The following CNTN4 variants were observed in gnomAD, a reference collection of about 807,000 sequenced individuals.
CNTN4 encodes contactin 4.
In CNTN4, 77 loss-of-function variants were observed where a neutral mutation model predicts 122.5. That is an observed-to-expected ratio of 0.63 (90% CI 0.52 to 0.76). CNTN4 has a LOEUF of 0.76. Ranked by LOEUF, CNTN4 falls within the 30% of genes least tolerant of loss-of-function variation. CNTN4 has a pLI of 0.00. For missense variants in CNTN4, 1,256 were observed against 1,259.1 expected (o/e 1.00, Z 0.04); for synonymous variants, 512 against 447.0 (o/e 1.15, Z -1.83).
chr3:2,780,197 A>G (rs987559770), intron 6 of CNTN4, among the ~76,000 whole-genome samples: 3 of 152,252 alleles, frequency 2.0e-5, no homozygotes, highest in African/African-American at 7.2e-5. Flanking sequence ...ATGTTGAAAC[A>G]GAATGATATA....
chr3:2,315,497 G>C (rs2043065416), intron 2 of CNTN4, among the ~76,000 whole-genome samples: 1 of 151,708 alleles, frequency 6.6e-6, no homozygotes, highest in South Asian at 2.1e-4. Flanking sequence ...TTTTTTAATG[G>C]TGGGCTTACG....
chr3:2,521,343 T>TCACCCAC, intron 3 of CNTN4, among the ~76,000 whole-genome samples: 1 of 128,370 alleles, frequency 7.8e-6, no homozygotes, highest in East Asian at 2.3e-4. Context: ...CCTCTACCCA[T>TCACCCAC]CCCCCCCACC....
At position 2,545,009 on chromosome 3, in the gene CNTN4, G is replaced by C. The variant is rs141894023; in HGVS notation, c.-88-26407G>C. Among the ~76,000 whole-genome samples the C allele has an allele frequency of 2.0e-3, 301 of 152,122 alleles. 1 individual carries two copies. The highest frequency in any genetic ancestry group is 6.8e-3 in the African/African-American group (281 of 41,518). The stretch of plus-strand genomic sequence containing the variant: ...TCTGAATTTTTGATGTGGGTGTTTA[G>C]TGCTGTAAACTTTTCTCTTAACACT... On this transcript the variant is annotated intron_variant, in intron 3 of 24. Coordinates refer to ENST00000418658, the MANE Select transcript of CNTN4 (RefSeq NM_175607.3).
At chr3:2,102,780 G>A (rs559936538) in intron 2 of CNTN4, among the ~76,000 whole-genome samples, 3 of 152,290 alleles carry the variant, frequency 2.0e-5, no homozygotes, top group Non-Finnish European at 4.4e-5. Flanking sequence ...AGGAGGCTGG[G>A]AAATATAGTC....
chr3:2,461,243 T>C (rs912411543), intron 3 of CNTN4, among the ~76,000 whole-genome samples: 1 of 152,194 alleles, frequency 6.6e-6, no homozygotes, highest in African/African-American at 2.4e-5. Context: ...GATATGTGTA[T>C]TTTTAAATCT....
In CNTN4 at chr3:2,117,226, T is replaced by C. The variant is rs1053836938; in HGVS notation, c.-145+16587T>C. On this transcript the variant is annotated intron_variant, in intron 2 of 24. Coordinates refer to ENST00000418658, the MANE Select transcript of CNTN4 (RefSeq NM_175607.3). ...ACCTCCTCCTTGGGTTCAGTTAATTTGCTAGAGCTTCTCACAGAGCTCAGG... is the reference window on the plus strand; with the variant it reads ...ACCTCCTCCTTGGGTTCAGTTAATTCGCTAGAGCTTCTCACAGAGCTCAGG... Among the ~76,000 whole-genome samples, 9 of 152,324 alleles carry C rather than the reference T, an allele frequency of 5.9e-5. No homozygotes were observed. In the East Asian group the frequency reaches 1.7e-3, roughly 29 times the overall value.
intron 4 of CNTN4, among the ~76,000 whole-genome samples, chr3:2,660,788 T>C (rs754274077): frequency 6.6e-6 from 1 of 152,228 alleles, no homozygotes; most frequent in Non-Finnish European, 1.5e-5. Flanking sequence ...GAATGACAGA[T>C]ATAAGATTGA....
At chr3:2,492,081 T>A (rs1324462866) in intron 3 of CNTN4, among the ~76,000 whole-genome samples, 1 of 152,226 alleles carries the variant, frequency 6.6e-6, no homozygotes, top group African/African-American at 2.4e-5. Context: ...TCTGCATTTA[T>A]TCAATAATAA....
At chr3:2,792,259 T>A (rs913206416) in intron 6 of CNTN4, among the ~76,000 whole-genome samples, 75 of 152,224 alleles carry the variant, frequency 4.9e-4, no homozygotes, top group African/African-American at 1.6e-3. Context: ...CTAATTTGGA[T>A]GTTTTTACAA....
chr3:2,711,866 GT>G (rs2087170975), intron 4 of CNTN4, among the ~76,000 whole-genome samples: 1 of 152,200 alleles, frequency 6.6e-6, no homozygotes, highest in Admixed American at 6.5e-5. Flanking sequence ...CCTATCATTA[GT>G]TAGGGACAGA....
chr3:2,202,395 C>A (rs1415793473), intron 2 of CNTN4, among the ~76,000 whole-genome samples: 5 of 152,182 alleles, frequency 3.3e-5, no homozygotes, highest in African/African-American at 1.2e-4. Context: ...TCATTACTAA[C>A]TAGCTGTGTA....
chr3:2,933,093 A>T (rs1461809948), intron 13 of CNTN4, among the ~76,000 whole-genome samples: 2 of 152,040 alleles, frequency 1.3e-5, no homozygotes, highest in African/African-American at 4.8e-5. Context: ...AAGTGCTGGG[A>T]TTACAGGTGT....
intron 4 of CNTN4, among the ~76,000 whole-genome samples, chr3:2,603,800 T>C (rs775293216): frequency 2.6e-5 from 4 of 152,230 alleles, no homozygotes; most frequent in Non-Finnish European, 5.9e-5. Flanking sequence ...TCAGCTCTTC[T>C]GCTTAATAGC....
At chr3:2,971,318 A>G (rs1692894316) in intron 13 of CNTN4, among the ~76,000 whole-genome samples, 1 of 146,460 alleles carries the variant, frequency 6.8e-6, no homozygotes, top group South Asian at 2.1e-4. Context: ...CTGTATATCT[A>G]TCTATCTATA....
intron 6 of CNTN4, among the ~76,000 whole-genome samples, chr3:2,817,434 A>G (rs1474523675): frequency 4.6e-5 from 7 of 152,246 alleles, no homozygotes; most frequent in African/African-American, 1.4e-4. Context: ...ATCTATTTCA[A>G]TTAATGACTA....
Position 2,738,044 on chromosome 3 carries a change from G to A in CNTN4, c.182+1703G>A, listed in dbSNP as rs569487857. Among the ~76,000 whole-genome samples the A allele has an allele frequency of 2.6e-5, 4 of 152,260 alleles. No homozygotes were observed. The South Asian group carries it at 8.3e-4, about 32-fold the overall frequency. On this transcript the variant is annotated intron_variant, in intron 5 of 24. Transcript: ENST00000418658. ...GAAAGAGAGAAAAAATGTCTACTCA[G>A]GATTCCAGAAGAAGCATCAAGAAAG...
chr3:2,670,987 T>A (rs544921104), intron 4 of CNTN4, among the ~76,000 whole-genome samples: 1 of 152,234 alleles, frequency 6.6e-6, no homozygotes, highest in Non-Finnish European at 1.5e-5. Context: ...GGCTTCCCTT[T>A]GTGGGTAACC....
At chr3:2,703,543 A>G (rs959931261) in intron 4 of CNTN4, among the ~76,000 whole-genome samples, 1 of 152,196 alleles carries the variant, frequency 6.6e-6, no homozygotes, top group African/African-American at 2.4e-5. Flanking sequence ...TATAAATGAT[A>G]TAGGGTACTA....
At chr3:2,747,234 C>T (rs905404851) in intron 6 of CNTN4, among the ~76,000 whole-genome samples, 6 of 151,842 alleles carry the variant, frequency 4.0e-5, no homozygotes, top group African/African-American at 1.2e-4. Flanking sequence ...ACGATGAAAC[C>T]GCGTCTCTAC....
Sources: gnomAD v4.1 joint callset for allele counts (sites outside exome capture counted in the v4.1 genomes callset) on GRCh38, gnomAD v4.1.1 for gene constraint, MANE v1.5 for transcripts, NCBI Gene and HGNC (gene_info 2026-07-23, HGNC 2026-07-21) for gene names.